KCNIP4: variants seen among roughly 807,000 people sequenced by gnomAD.
KCNIP4 encodes the protein Kv channel-interacting protein 4.
KCNIP4 carries 12 observed loss-of-function variants against 34.0 expected under a neutral mutation model. The ratio of observed to expected loss-of-function variants is 0.35; its 90% CI spans 0.23 to 0.57. KCNIP4 has a LOEUF of 0.57. KCNIP4 is among the 20% of genes least tolerant of loss of function. The probability of loss-of-function intolerance (pLI) is 0.83; values close to 1 mark genes in which losing one functional copy is unlikely to be tolerated. For synonymous variants in KCNIP4, 124 were observed against 102.2 expected (o/e 1.21, Z -1.29); for missense variants, 238 against 311.7 (o/e 0.76, Z 1.78).
intron 1 of KCNIP4, among the ~76,000 whole-genome samples, chr4:21,155,338 A>G (rs955783707): frequency 6.6e-6 from 1 of 152,238 alleles, no homozygotes; most frequent in Non-Finnish European, 1.5e-5. Context: ...CTGCCAAGGA[A>G]CCTTAGAAGA....
intron 1 of KCNIP4, among the ~76,000 whole-genome samples, chr4:20,890,451 T>C (rs1415024136): frequency 6.6e-6 from 1 of 152,142 alleles, no homozygotes; most frequent in Admixed American, 6.5e-5. Flanking sequence ...AAAAGGTGTC[T>C]TATCCTGTTT....
intron 1 of KCNIP4, among the ~76,000 whole-genome samples, chr4:21,226,392 C>T (rs1260772257): frequency 1.4e-4 from 15 of 105,274 alleles, no homozygotes; most frequent in African/African-American, 2.9e-4. Flanking sequence ...GGAAATAATT[C>T]GGTGTCCTGC....
Position 21,948,729 on chromosome 4 carries a change from G to C in KCNIP4, c.-98C>G. On this transcript the variant is annotated 5_prime_UTR_variant, in exon 1 of 9. Coordinates refer to ENST00000382152, the MANE Select transcript of KCNIP4 (RefSeq NM_025221.6). Reference sequence around the variant, plus strand: ...CGGGAGCGCACCGCCGCTCGGCCCGGGGGCGTCCGTGGCGCTGGGAGCGAG... The same window carrying C: ...CGGGAGCGCACCGCCGCTCGGCCCGCGGGCGTCCGTGGCGCTGGGAGCGAG... 1 of 1,295,390 alleles carries C rather than the reference G, an allele frequency of 7.7e-7. No individual in the cohort carries two copies. The highest frequency in any genetic ancestry group is 9.9e-7 in the Non-Finnish European group (1 of 1,005,616). The allele number at this position is 1,295,390 out of a possible 1,614,324, so 80.2% of individuals were successfully genotyped here. A position where few individuals can be genotyped will look rare whatever the true frequency, so the allele number is the denominator to read the frequency against.
chr4:21,869,765 GAT>G (rs1342366205), intron 1 of KCNIP4, among the ~76,000 whole-genome samples: 20 of 151,056 alleles, frequency 1.3e-4, no homozygotes, highest in African/African-American at 4.9e-4. Flanking sequence ...TAGATAGATA[GAT>G]AGATAGATAG....
At chr4:21,731,011 G>T (rs919810258) in intron 1 of KCNIP4, among the ~76,000 whole-genome samples, 13 of 151,774 alleles carry the variant, frequency 8.6e-5, no homozygotes, top group African/African-American at 3.2e-4. Context: ...TTTCTTGGGA[G>T]GCTAAGGTTG....
chr4:21,743,928 T>G (rs933336137), intron 1 of KCNIP4, among the ~76,000 whole-genome samples: 5 of 151,662 alleles, frequency 3.3e-5, no homozygotes, highest in African/African-American at 9.7e-5. Flanking sequence ...TATAAAGTAA[T>G]GCTTTGCCTG....
chr4:21,089,583 A>G (rs6832607), intron 1 of KCNIP4, among the ~76,000 whole-genome samples: 25,574 of 152,116 alleles, frequency 0.17, 2,232 homozygotes, highest in East Asian at 0.24. Flanking sequence ...AAGTCATGAA[A>G]CACCTTGACT....
chr4:20,854,409 G>A (rs1844812), intron 2 of KCNIP4, among the ~76,000 whole-genome samples: 49,180 of 152,088 alleles, frequency 0.32, 9,210 homozygotes, highest in Admixed American at 0.44. Context: ...CAAACCTCGT[G>A]TGTTCTCACT....
intron 1 of KCNIP4, among the ~76,000 whole-genome samples, chr4:21,626,864 C>T (rs1015135052): frequency 6.6e-6 from 1 of 151,802 alleles, no homozygotes; most frequent in Non-Finnish European, 1.5e-5. Flanking sequence ...AACTGAGTTC[C>T]ATTTTTTTTT....
At chr4:20,853,104 T>A (rs1721202535) in intron 2 of KCNIP4, among the ~76,000 whole-genome samples, 1 of 152,144 alleles carries the variant, frequency 6.6e-6, no homozygotes. Context: ...AATACCATGA[T>A]TATTCTTCAC....
chr4:20,969,556 T>TGTGTGTGTGTG (rs768106162), intron 1 of KCNIP4, among the ~76,000 whole-genome samples: 4 of 149,700 alleles, frequency 2.7e-5, no homozygotes, highest in African/African-American at 9.8e-5. Context: ...GCGTGTGTGT[T>TGTGTGTGTGTG]TGTGTGTGTG....
intron 1 of KCNIP4, among the ~76,000 whole-genome samples, chr4:21,241,315 T>G (rs962467047): frequency 6.9e-6 from 1 of 145,428 alleles, no homozygotes; most frequent in Non-Finnish European, 1.5e-5. Flanking sequence ...GACTTAAAAA[T>G]TTTTTTTCTA....
intron 1 of KCNIP4, among the ~76,000 whole-genome samples, chr4:21,902,537 A>G (rs916510846): frequency 6.6e-6 from 1 of 152,054 alleles, no homozygotes; most frequent in Non-Finnish European, 1.5e-5. Flanking sequence ...TTCCAGCTGA[A>G]TCCCAGGGCA....
chr4:21,567,051 A>T (rs1023512021), intron 1 of KCNIP4, among the ~76,000 whole-genome samples: 11 of 152,246 alleles, frequency 7.2e-5, no homozygotes, highest in Admixed American at 7.2e-4. Flanking sequence ...TTATATTTTT[A>T]AAAAGTCAAA....
intron 1 of KCNIP4, among the ~76,000 whole-genome samples, chr4:21,946,518 G>A (rs1730519508): frequency 6.6e-6 from 1 of 152,188 alleles, no homozygotes; most frequent in Non-Finnish European, 1.5e-5. Context: ...CCCAGGATTA[G>A]TAAAGACCAT....
chr4:20,766,564 T>TCAAACAAA (rs138009804), intron 3 of KCNIP4, among the ~76,000 whole-genome samples: 3 of 152,112 alleles, frequency 2.0e-5, no homozygotes, highest in Middle Eastern at 3.4e-3. Flanking sequence ...AAACTCCATC[T>TCAAACAAA]CAAACAAACA....
chr4:20,789,326 G>A (rs2149402098), intron 3 of KCNIP4, among the ~76,000 whole-genome samples: 1 of 151,974 alleles, frequency 6.6e-6, no homozygotes, highest in African/African-American at 2.4e-5. Flanking sequence ...TTTAAAATTT[G>A]TCTCATATAA....
intron 1 of KCNIP4, among the ~76,000 whole-genome samples, chr4:21,552,052 A>C (rs1168850753): frequency 8.3e-6 from 1 of 120,462 alleles, no homozygotes; most frequent in Non-Finnish European, 1.8e-5. Context: ...AAAAAAAAAA[A>C]CAAAAAACAA....
intron 1 of KCNIP4, among the ~76,000 whole-genome samples, chr4:21,188,430 TCTC>T (rs1306170080): frequency 7.9e-5 from 12 of 152,238 alleles, no homozygotes; most frequent in Admixed American, 2.0e-4. Context: ...TTCTCTCCCT[TCTC>T]CTCAACTGGC....
Sources: allele counts gnomAD v4.1 joint callset (sites outside exome capture counted in the v4.1 genomes callset), GRCh38; gene constraint gnomAD v4.1.1; transcripts MANE v1.5; gene names NCBI Gene and HGNC (gene_info 2026-07-23, HGNC 2026-07-21).